SLC2A1: variants seen among roughly 807,000 people sequenced by gnomAD.
SLC2A1 encodes solute carrier family 2, facilitated glucose transporter member 1.
In SLC2A1, 4 loss-of-function variants were observed where a neutral mutation model predicts 46.6. The observed-to-expected ratio is 0.09, with a 90% CI of 0.04 to 0.20. The LOEUF (loss-of-function observed/expected upper bound fraction) is 0.20, where lower values mean the gene tolerates loss of function less well. Ranked by LOEUF, SLC2A1 falls within the 10% of genes least tolerant of loss-of-function variation. SLC2A1 has a pLI of 1.00. For synonymous variants in SLC2A1, 253 were observed against 270.0 expected (o/e 0.94, Z 0.62); for missense variants, 352 against 667.0 (o/e 0.53, Z 5.20).
At chr1:42,949,223 G>C (rs1203009156) in intron 1 of SLC2A1, among the ~76,000 whole-genome samples, 2 of 152,162 alleles carry the variant, frequency 1.3e-5, no homozygotes, top group African/African-American at 2.4e-5. Flanking sequence ...ATTCCAGTCT[G>C]GGCGACAGAG....
At chr1:42,940,397 T>C (rs2124459288) in intron 2 of SLC2A1, among the ~76,000 whole-genome samples, 1 of 152,346 alleles carries the variant, frequency 6.6e-6, no homozygotes, top group Middle Eastern at 3.4e-3. Flanking sequence ...TCCACCAGTG[T>C]CTATTACTAT....
rs367646842 is a variant in SLC2A1 at position 42,945,148 on chromosome 1, GT to G, written c.19-1828del. Among the ~76,000 whole-genome samples the G allele has an allele frequency of 5.5e-4, 83 of 152,064 alleles. 1 individual carries two copies. Among genetic ancestry groups the G allele is most frequent in the African/African-American group, 2.0e-3 (81 of 41,414 alleles). ...CCACGTGCTGGGCTTTCTGCCTGCG[GT>G]ATTACCTGCATTTGCTCATGGGATG... On this transcript the variant is annotated intron_variant, in intron 1 of 9. Coordinates refer to ENST00000426263, the MANE Select transcript of SLC2A1 (RefSeq NM_006516.4).
chr1:42,956,423 A>C (rs1643775840), intron 1 of SLC2A1, among the ~76,000 whole-genome samples: 1 of 138,580 alleles, frequency 7.2e-6, no homozygotes, highest in Non-Finnish European at 1.6e-5. Context: ...AAAAAAAAAA[A>C]AAAAAAAAAA....
intron 2 of SLC2A1, among the ~76,000 whole-genome samples, chr1:42,931,592 A>C (rs936376913): frequency 6.6e-5 from 10 of 152,118 alleles, no homozygotes; most frequent in Middle Eastern, 6.8e-3. Flanking sequence ...TTGGGAGATC[A>C]AGGCAAGCAG....
intron 2 of SLC2A1, chr1:42,942,872 C>A (rs971887344): frequency 1.1e-5 from 4 of 348,234 alleles, no homozygotes; most frequent in South Asian, 7.1e-5. Context: ...AAACCCTCTG[C>A]AGCCCCAGAA....
chr1:42,947,396 T>G (rs1287474196), intron 1 of SLC2A1, among the ~76,000 whole-genome samples: 1 of 152,030 alleles, frequency 6.6e-6, no homozygotes, highest in Admixed American at 6.5e-5. Flanking sequence ...CTCTGCAGTC[T>G]CTAGCTTATT....
rs552770587 is a variant in SLC2A1 at position 42,940,243 on chromosome 1, C to T, written c.114+2983G>A. 2.6e-5 allele frequency among the ~76,000 whole-genome samples: 4 copies of T among 152,362 alleles called. 1 individual carries two copies. Among genetic ancestry groups the T allele is most frequent in the African/African-American group, 9.6e-5 (4 of 41,592 alleles). On this transcript the variant is annotated intron_variant, in intron 2 of 9. Transcript: ENST00000426263. ...ATCTGCCTCTCACTCTTCACCCAAT[C>T]GTAGTGAGGCTTCTATCCACGCTGT...
At chr1:42,935,093 G>A (rs566436687) in intron 2 of SLC2A1, among the ~76,000 whole-genome samples, 9 of 152,254 alleles carry the variant, frequency 5.9e-5, no homozygotes, top group African/African-American at 1.9e-4. Flanking sequence ...GCGTGTTGAG[G>A]AGGGAGGAGC....
chr1:42,944,402 C>G (rs1451224399), intron 1 of SLC2A1, among the ~76,000 whole-genome samples: 1 of 152,168 alleles, frequency 6.6e-6, no homozygotes, highest in Non-Finnish European at 1.5e-5. Context: ...TGTGGGAGAA[C>G]AGGGCTGCGG....
chr1:42,942,849 G>C (rs1015994510), intron 2 of SLC2A1: 14 of 337,270 alleles, frequency 4.2e-5, no homozygotes, highest in Non-Finnish European at 3.5e-5. Context: ...CATCAAGTGA[G>C]ACAAGCCCAT....
At chr1:42,957,801 G>A (rs961363951) in intron 1 of SLC2A1, among the ~76,000 whole-genome samples, 2 of 152,190 alleles carry the variant, frequency 1.3e-5, no homozygotes, top group Admixed American at 6.5e-5. Flanking sequence ...CAACCCCGTG[G>A]CGTGCGCGCT....
chr1:42,935,315 T>A (rs183684740), intron 2 of SLC2A1, among the ~76,000 whole-genome samples: 1 of 152,212 alleles, frequency 6.6e-6, no homozygotes, highest in Admixed American at 6.5e-5. Context: ...GTGGCTCTCC[T>A]GGGGTGAGGG....
At chr1:42,956,072 G>GCAA (rs904059896) in intron 1 of SLC2A1, among the ~76,000 whole-genome samples, 3 of 152,098 alleles carry the variant, frequency 2.0e-5, no homozygotes, top group Non-Finnish European at 4.4e-5. Context: ...AAAAGGCTGT[G>GCAA]CTTGCAGGTC....
At chr1:42,943,024 T>G in intron 2 of SLC2A1, 1 of 623,126 alleles carries the variant, frequency 1.6e-6, no homozygotes, top group Non-Finnish European at 2.9e-6. Flanking sequence ...GGACCTGAGA[T>G]TCTAGAATTC....
chr1:42,929,604 C>T lies in SLC2A1; in HGVS notation c.856G>A (p.Gly286Ser). The change falls in exon 6 of 10, where the codon GGC (glycine) becomes AGC (serine). Residue 286 changes from glycine (G) to serine (S), a missense_variant. By Grantham distance (56) the Gly-to-Ser change is moderately conservative (BLOSUM62 0). Coordinates refer to ENST00000426263, the MANE Select transcript of SLC2A1 (RefSeq NM_006516.4). The surrounding 1 kb of genome is among the most constrained non-coding windows in gnomAD (Gnocchi z 6.0). ...GTGGGGGCACTCACAGCGTTGATGC[C>T]AGACAGCTGCTGGGACAGCTGCAGC... ...VVLQLSQQLS[G>S]INAVFYYSTS... 1 of 1,613,378 alleles carries T rather than the reference C, an allele frequency of 6.2e-7. No homozygotes were observed. Among genetic ancestry groups the T allele is most frequent in the Non-Finnish European group, 8.5e-7 (1 of 1,179,566 alleles).
At chr1:42,940,040 G>A (rs1045998909) in intron 2 of SLC2A1, among the ~76,000 whole-genome samples, 2 of 143,206 alleles carry the variant, frequency 1.4e-5, no homozygotes, top group Admixed American at 7.0e-5. Context: ...CTCCCTCCTG[G>A]AAGACCTCCG....
chr1:42,952,264 A>G, intron 1 of SLC2A1: 1 of 413,212 alleles, frequency 2.4e-6, no homozygotes, highest in African/African-American at 2.0e-5. Flanking sequence ...AATGAGGATC[A>G]GGATCAAGCC....
chr1:42,945,718 C>T lies in SLC2A1; in HGVS notation c.19-2397G>A, dbSNP rs368290917. ...TGGCGCCACTGCACTCCAGCCTGGG[C>T]GACAGAGCAGACTCTGTCTCAAAAA... On this transcript the variant is annotated intron_variant, in intron 1 of 9. Transcript: ENST00000426263. Among the ~76,000 whole-genome samples the T allele has an allele frequency of 4.7e-3, 663 of 140,214 alleles. 5 individuals are homozygous for T. Among genetic ancestry groups the T allele is most frequent in the African/African-American group, 0.017 (611 of 35,938 alleles). 92.0% of individuals were successfully genotyped at this position (140,214 alleles called of 152,430 possible). A position where few individuals can be genotyped will look rare whatever the true frequency, so the allele number is the denominator to read the frequency against.
chr1:42,957,561 A>G (rs1643789193), intron 1 of SLC2A1, among the ~76,000 whole-genome samples: 1 of 152,126 alleles, frequency 6.6e-6, no homozygotes, highest in Admixed American at 6.5e-5. Flanking sequence ...ATAAAGAGGG[A>G]CCGTTTCAAA....
Sources: gnomAD v4.1 joint callset for allele counts (sites outside exome capture counted in the v4.1 genomes callset) on GRCh38, gnomAD v4.1.1 for gene constraint, Gnocchi (gnomAD v3.1) non-coding constraint, MANE v1.5 for transcripts, NCBI Gene and HGNC (gene_info 2026-07-23, HGNC 2026-07-21) for gene names.